SEPTIN6: variants seen among roughly 807,000 people sequenced by gnomAD.
SEPTIN6 encodes the protein septin-6.
A neutral mutation model predicts 33.6 loss-of-function variants in SEPTIN6; 8 were observed. The ratio of observed to expected loss-of-function variants is 0.24; its 90% CI spans 0.14 to 0.43. The LOEUF (loss-of-function observed/expected upper bound fraction) is 0.43, where lower values mean the gene tolerates loss of function less well. SEPTIN6 is among the 20% of genes least tolerant of loss of function. The pLI, the probability that SEPTIN6 is intolerant of heterozygous loss-of-function variation, is 1.00. For synonymous variants in SEPTIN6, 131 were observed against 140.0 expected (o/e 0.94, Z 0.45); for missense variants, 250 against 340.8 (o/e 0.73, Z 2.10).
At chrX:119,651,290 G>A (rs1314823022) in intron 4 of SEPTIN6, among the ~76,000 whole-genome samples, 1 of 112,194 alleles carries the variant, frequency 8.9e-6, no homozygotes, top group East Asian at 2.8e-4. Context: ...TCTTTCAGGG[G>A]CAGAAGGGTC....
rs904129054 is a variant in SEPTIN6 at position 119,675,566 on chromosome X, T to C, written c.133A>G (p.Ile45Val). 10 of 1,147,526 alleles carry C rather than the reference T, an allele frequency of 8.7e-6. No homozygotes were observed. The highest frequency in any genetic ancestry group is 1.1e-5 in the Non-Finnish European group (9 of 854,467). The allele number at this position is 1,147,526 out of a possible 1,213,427, so 94.6% of individuals were successfully genotyped here. Residue 45 changes from isoleucine to valine, a missense_variant, in exon 2 of 11, where the codon ATC becomes GTC. Around this residue, in one of 2 missense-constraint regions of SEPTIN6, gnomAD observed 111 missense variants for 113.8 expected, o/e 0.98. Coordinates refer to ENST00000394610, the MANE Select transcript of SEPTIN6 (RefSeq NM_145799.4). ...KSVSQGFCFN[I>V]LCVGETGLGK... ...TGGAAATACTCACCCACGCACAGGA[T>C]GTTGAAGCAGAAGCCCTGGCTGACG...
rs2053685282 is a variant in SEPTIN6 at position 119,617,553 on chromosome X, C to T, written c.*2540G>A. Reference sequence around the variant, plus strand: ...TTTTGCCAGCCCTCACCCAATCCATCTTCAGATGTTTTTCTGTGGAAAAAA... The same window carrying T: ...TTTTGCCAGCCCTCACCCAATCCATTTTCAGATGTTTTTCTGTGGAAAAAA... On this transcript the variant is annotated 3_prime_UTR_variant, in exon 11 of 11. Transcript: ENST00000394610. The T allele has an allele frequency of 1.2e-6, 1 of 802,038 alleles. No individual in the cohort carries two copies. The highest frequency in any genetic ancestry group is 6.6e-5 in the South Asian group (1 of 15,045). 66.1% of individuals were successfully genotyped at this position (802,038 alleles called of 1,213,427 possible).
rs2053682338 is a variant in SEPTIN6 at position 119,617,387 on chromosome X, T to G, written c.*2706A>C. 1.2e-6 allele frequency: 1 copy of G among 804,316 alleles called. No homozygotes were observed. Among genetic ancestry groups the G allele is most frequent in the Non-Finnish European group, 1.5e-6 (1 of 670,087 alleles). 66.3% of individuals were successfully genotyped at this position (804,316 alleles called of 1,213,427 possible). A position where few individuals can be genotyped will look rare whatever the true frequency, so the allele number is the denominator to read the frequency against. On this transcript the variant is annotated 3_prime_UTR_variant, in exon 11 of 11. Coordinates refer to ENST00000394610, the MANE Select transcript of SEPTIN6 (RefSeq NM_145799.4). ...CAACTTTTTAATTTATGTTCACTCA[T>G]GGGTTCGATTTTTGTTCACCAAACT...
intron 1 of SEPTIN6, among the ~76,000 whole-genome samples, chrX:119,684,122 T>C (rs1457081281): frequency 9.1e-6 from 1 of 109,913 alleles, no homozygotes; most frequent in Non-Finnish European, 1.9e-5. Flanking sequence ...GTATTTTTAG[T>C]TTAGTAGAGA....
intron 1 of SEPTIN6, among the ~76,000 whole-genome samples, chrX:119,682,276 T>C (rs1316230242): frequency 9.0e-6 from 1 of 111,512 alleles, no homozygotes; most frequent in Non-Finnish European, 1.9e-5. Flanking sequence ...TTGACTCTTT[T>C]ATAGCACGAA....
At position 119,617,503 on chromosome X, in the gene SEPTIN6, A is replaced by G; in HGVS notation, c.*2590T>C. 5.0e-6 allele frequency: 4 copies of G among 804,928 alleles called. No individual in the cohort carries two copies. Among genetic ancestry groups the G allele is most frequent in the Non-Finnish European group, 6.0e-6 (4 of 670,397 alleles). The allele number at this position is 804,928 out of a possible 1,213,427, so 66.3% of individuals were successfully genotyped here. A position where few individuals can be genotyped will look rare whatever the true frequency, so the allele number is the denominator to read the frequency against. On this transcript the variant is annotated 3_prime_UTR_variant, in exon 11 of 11. Coordinates refer to ENST00000394610, the MANE Select transcript of SEPTIN6 (RefSeq NM_145799.4). ...TGCAGCATCACTGGGTCATTGGGTT[A>G]AGGAGCTGGCCCGGCATGCCTTCGT...
intron 1 of SEPTIN6, among the ~76,000 whole-genome samples, chrX:119,691,714 T>G (rs2055175371): frequency 8.9e-6 from 1 of 112,702 alleles, no homozygotes; most frequent in Non-Finnish European, 1.9e-5. Context: ...TGGCTTCAGA[T>G]TTTGTAAAAT....
At chrX:119,653,345 C>T (rs998228994) in intron 3 of SEPTIN6, among the ~76,000 whole-genome samples, 2 of 112,228 alleles carry the variant, frequency 1.8e-5, no homozygotes, top group East Asian at 5.6e-4. Flanking sequence ...ACGGCCTTCC[C>T]CACTTATGCC....
intron 1 of SEPTIN6, among the ~76,000 whole-genome samples, chrX:119,689,236 A>G (rs948367327): frequency 1.8e-5 from 2 of 111,998 alleles, no homozygotes; most frequent in Admixed American, 9.5e-5. Flanking sequence ...TCTGGATCCC[A>G]GAATGCAACA....
chrX:119,634,355 T>G, intron 7 of SEPTIN6, among the ~76,000 whole-genome samples: 1 of 87,023 alleles, frequency 1.1e-5, no homozygotes, highest in African/African-American at 4.6e-5. Flanking sequence ...TGTGACAGAG[T>G]GAGACTCCAT....
At chrX:119,665,809 C>T (rs1185312725) in intron 2 of SEPTIN6, among the ~76,000 whole-genome samples, 3 of 110,933 alleles carry the variant, frequency 2.7e-5, no homozygotes, top group East Asian at 2.8e-4. Flanking sequence ...GGGCCAGGCG[C>T]GGTGGCTCAC....
At chrX:119,674,386 C>T (rs965829964) in intron 2 of SEPTIN6, among the ~76,000 whole-genome samples, 30 of 109,811 alleles carry the variant, frequency 2.7e-4, no homozygotes, top group African/African-American at 1.0e-3. Context: ...ACCGTGTTAG[C>T]CAGGATGGTC....
At chrX:119,674,077 G>T (rs1313433769) in intron 2 of SEPTIN6, among the ~76,000 whole-genome samples, 1 of 110,856 alleles carries the variant, frequency 9.0e-6, no homozygotes, top group Non-Finnish European at 1.9e-5. Flanking sequence ...GGTTCAGAAG[G>T]TCACTGGAAA....
rs145531372 is a variant in SEPTIN6, at chrX:119,656,925, T to C, written c.342-3885A>G. Among the ~76,000 whole-genome samples the C allele has an allele frequency of 4.8e-4, 48 of 99,857 alleles. 1 individual carries two copies. The East Asian group carries it at 0.015, about 31-fold the overall frequency. The allele number at this position is 99,857 out of a possible 115,157, so 86.7% of individuals were successfully genotyped here. On this transcript the variant is annotated intron_variant, in intron 3 of 10. Transcript: ENST00000394610. Reference sequence around the variant, plus strand: ...TAAATAAAATAAAATAAAGAAAATGTGAAAATGTGGAGGCCAGGTGGGGTG... The same window carrying C: ...TAAATAAAATAAAATAAAGAAAATGCGAAAATGTGGAGGCCAGGTGGGGTG...
At chrX:119,677,283 CAGG>C (rs755480786) in intron 1 of SEPTIN6, among the ~76,000 whole-genome samples, 34 of 112,192 alleles carry the variant, frequency 3.0e-4, no homozygotes, top group South Asian at 1.1e-3. Flanking sequence ...TTTTACAAAA[CAGG>C]AGGAGACTCA....
Position 119,618,338 on chromosome X carries a change from C to T in SEPTIN6, c.*1755G>A. 1.2e-6 allele frequency: 1 copy of T among 816,867 alleles called. No homozygotes were observed. The highest frequency in any genetic ancestry group is 1.5e-6 in the Non-Finnish European group (1 of 678,337). 67.3% of individuals were successfully genotyped at this position (816,867 alleles called of 1,213,427 possible). On this transcript the variant is annotated 3_prime_UTR_variant, in exon 11 of 11. Coordinates refer to ENST00000394610, the MANE Select transcript of SEPTIN6 (RefSeq NM_145799.4). ...CAATCAATAGAGCACCAAACCTACA[C>T]AGCAAACCTATATTCTTGCTTTGTC...
At chrX:119,636,121 C>T (rs1156381249) in intron 7 of SEPTIN6, among the ~76,000 whole-genome samples, 1 of 111,528 alleles carries the variant, frequency 9.0e-6, no homozygotes, top group South Asian at 3.9e-4. Context: ...AGGGCATGAG[C>T]CTGTCCCTCC....
At chrX:119,637,279 G>T in intron 6 of SEPTIN6, 84 bp from the exon 7 acceptor site, 1 of 877,936 alleles carries the variant, frequency 1.1e-6, no homozygotes, top group Non-Finnish European at 1.6e-6. Context: ...GAGGCAAAAT[G>T]TCTAACAGTG....
At chrX:119,629,536 G>A in intron 8 of SEPTIN6, 28 bp from the exon 9 acceptor site, 2 of 1,189,958 alleles carry the variant, frequency 1.7e-6, no homozygotes, top group South Asian at 1.8e-5. Context: ...GGAGATTGGA[G>A]AGAATCCCCT....
Sources: gnomAD v4.1 joint callset for allele counts (sites outside exome capture counted in the v4.1 genomes callset) on GRCh38, gnomAD v4.1.1 for gene constraint, gnomAD v4.1.1 regional missense constraint, MANE v1.5 for transcripts, NCBI Gene and HGNC (gene_info 2026-07-23, HGNC 2026-07-21) for gene names.